Variants in DPP10 observed in about 807,000 individuals in gnomAD.
DPP10 encodes dipeptidyl peptidase like 10, also known as inactive dipeptidyl peptidase 10.
In DPP10, 33 loss-of-function variants were observed where a neutral mutation model predicts 120.9. The ratio of observed to expected loss-of-function variants is 0.27; its 90% CI spans 0.21 to 0.37. The LOEUF (loss-of-function observed/expected upper bound fraction) is 0.37, where lower values mean the gene tolerates loss of function less well. Among genes scored for constraint, DPP10 ranks in the 10% least tolerant of loss-of-function variants. The pLI is 1.00. For synonymous variants in DPP10, 337 were observed against 326.1 expected, an observed-to-expected ratio of 1.03 and a Z score of -0.36; for missense variants, 816 against 942.8, an observed-to-expected ratio of 0.87 and a Z score of 1.76.
chr2:115,710,616 A>G (rs1461555609), intron 7 of DPP10, among the ~76,000 whole-genome samples: 2 of 152,108 alleles, frequency 1.3e-5, no homozygotes, highest in Non-Finnish European at 2.9e-5. Flanking sequence ...CATTTGGATT[A>G]CGAATACATT....
chr2:115,666,550 C>G (rs2089468150), intron 5 of DPP10, among the ~76,000 whole-genome samples: 1 of 152,122 alleles, frequency 6.6e-6, no homozygotes, highest in African/African-American at 2.4e-5. Context: ...AAGGTTATGG[C>G]CTCCAGCTAT....
intron 1 of DPP10, among the ~76,000 whole-genome samples, chr2:115,128,382 C>A (rs779099053): frequency 6.6e-6 from 1 of 152,138 alleles, no homozygotes; most frequent in African/African-American, 2.4e-5. Context: ...CCTTAGACGC[C>A]GGAAGTGATC....
intron 8 of DPP10, among the ~76,000 whole-genome samples, chr2:115,738,006 C>T (rs1332856039): frequency 6.6e-6 from 1 of 152,150 alleles, no homozygotes; most frequent in Non-Finnish European, 1.5e-5. Context: ...TATCTTCAGC[C>T]ATAAAATTAA....
chr2:115,371,326 G>C (rs192773774), intron 3 of DPP10, among the ~76,000 whole-genome samples: 10 of 152,224 alleles, frequency 6.6e-5, no homozygotes, highest in Admixed American at 6.5e-4. Flanking sequence ...ATGAAAGAAG[G>C]AGTCTCTTAC....
chr2:114,523,621 A>G (rs1685254851), intron 1 of DPP10, among the ~76,000 whole-genome samples: 1 of 152,210 alleles, frequency 6.6e-6, no homozygotes, highest in Non-Finnish European at 1.5e-5. Context: ...TAGAGGGAAA[A>G]GGAAGTGGGG....
intron 1 of DPP10, among the ~76,000 whole-genome samples, chr2:115,306,754 C>T (rs1481575945): frequency 7.9e-5 from 12 of 152,058 alleles, no homozygotes; most frequent in Non-Finnish European, 1.5e-5. Context: ...AAATATGTCT[C>T]GCTCAAATTT....
At chr2:114,779,082 TG>T (rs1682031563) in intron 1 of DPP10, among the ~76,000 whole-genome samples, 1 of 152,078 alleles carries the variant, frequency 6.6e-6, no homozygotes, top group South Asian at 2.1e-4. Context: ...TTGGTACCTC[TG>T]GGGCCTGAGT....
intron 3 of DPP10, among the ~76,000 whole-genome samples, chr2:115,485,621 G>A (rs1308553728): frequency 1.3e-5 from 2 of 151,960 alleles, no homozygotes; most frequent in African/African-American, 4.8e-5. Flanking sequence ...TTGGATTACA[G>A]TGATCAATCT....
intron 5 of DPP10, among the ~76,000 whole-genome samples, chr2:115,612,101 C>A (rs1004510807): frequency 6.6e-6 from 1 of 152,128 alleles, no homozygotes. Context: ...CTATGGCCCT[C>A]ATCAGGGAAC....
chr2:115,725,832 G>C (rs1424839912), intron 7 of DPP10, among the ~76,000 whole-genome samples: 3 of 152,124 alleles, frequency 2.0e-5, no homozygotes, highest in African/African-American at 4.8e-5. Context: ...TTGTGCACCT[G>C]TGTTGTATAC....
At chr2:114,964,660 T>C (rs146026929) in intron 1 of DPP10, among the ~76,000 whole-genome samples, 1 of 152,168 alleles carries the variant, frequency 6.6e-6, no homozygotes, top group African/African-American at 2.4e-5. Context: ...GGGAGCTATA[T>C]GGTTGGAGCA....
At chr2:114,842,307 G>A (rs944035077) in intron 1 of DPP10, among the ~76,000 whole-genome samples, 1 of 152,116 alleles carries the variant, frequency 6.6e-6, no homozygotes, top group Non-Finnish European at 1.5e-5. Context: ...AAAAGATAAA[G>A]ACACCCTGCC....
intron 1 of DPP10, among the ~76,000 whole-genome samples, chr2:115,224,004 T>G (rs993500887): frequency 2.0e-5 from 3 of 152,146 alleles, no homozygotes; most frequent in Non-Finnish European, 4.4e-5. Context: ...AAAAATTTAT[T>G]TAGCCCCTTC....
rs534901856 is a variant in DPP10, at chr2:115,499,338, G to A, written c.272-172G>A. 2.6e-5 allele frequency among the ~76,000 whole-genome samples: 4 copies of A among 152,158 alleles called. No individual in the cohort carries two copies. The East Asian group carries it at 5.8e-4, about 22-fold the overall frequency. The stretch of plus-strand genomic sequence containing the variant: ...GCACAATAGACCATGTGTTAGGCGG[G>A]CTTCCTGATCTTTCACGAGAATGAA... On this transcript the variant is annotated intron_variant, in intron 3 of 25. Transcript: ENST00000410059.
At chr2:115,404,279 A>G (rs746672115) in intron 3 of DPP10, among the ~76,000 whole-genome samples, 2 of 152,100 alleles carry the variant, frequency 1.3e-5, no homozygotes, top group Non-Finnish European at 2.9e-5. Context: ...ATACTTTTAA[A>G]TGACCACATC....
intron 1 of DPP10, among the ~76,000 whole-genome samples, chr2:114,948,120 A>G (rs1190946809): frequency 6.6e-6 from 1 of 151,756 alleles, no homozygotes; most frequent in East Asian, 1.9e-4. Flanking sequence ...TGTTTCTTCT[A>G]TTCTTTTTAT....
At chr2:115,019,089 C>T (rs1300094571) in intron 1 of DPP10, among the ~76,000 whole-genome samples, 1 of 151,620 alleles carries the variant, frequency 6.6e-6, no homozygotes, top group Non-Finnish European at 1.5e-5. Flanking sequence ...CCCGCCCCTG[C>T]CACTCAGCTT....
rs1469285680 is a variant in DPP10 at position 115,696,101 on chromosome 2, C to A, written c.576+6180C>A. On this transcript the variant is annotated intron_variant, in intron 7 of 25. Transcript: ENST00000410059. ...AAGACTGAAGAAAAATAAACAGAAC[C>A]TAAGGGACCTATGGAATACCATCAA... Among the ~76,000 whole-genome samples, 5 of 151,896 alleles carry A rather than the reference C, an allele frequency of 3.3e-5. No homozygotes were observed. In the South Asian group the frequency reaches 6.3e-4, roughly 19 times the overall value.
chr2:115,133,133 GTGTGTGTGTGTGTATATATA>G (rs1480891073), intron 1 of DPP10, among the ~76,000 whole-genome samples: 5 of 63,416 alleles, frequency 7.9e-5, no homozygotes, highest in African/African-American at 3.9e-4. Flanking sequence ...GTGTGTGTGT[GTGTGTGTGTGTGTATATATA>G]TATATATATA....
Sources: allele counts gnomAD v4.1 joint callset (sites outside exome capture counted in the v4.1 genomes callset), GRCh38; gene constraint gnomAD v4.1.1; transcripts MANE v1.5; gene names NCBI Gene and HGNC (gene_info 2026-07-23, HGNC 2026-07-21).